PPP6R2: variants seen among roughly 807,000 people sequenced by gnomAD.
PPP6R2 encodes serine/threonine-protein phosphatase 6 regulatory subunit 2.
Under a neutral mutation model 100.2 loss-of-function variants are expected in PPP6R2, and 62 were observed. That is an observed-to-expected ratio of 0.62 (90% confidence interval 0.50 to 0.76). The LOEUF is 0.76. Among genes scored for constraint, PPP6R2 ranks in the 30% least tolerant of loss-of-function variants. PPP6R2 has a pLI of 0.00. For missense variants in PPP6R2, 1,142 were observed against 1,276.3 expected, an observed-to-expected ratio of 0.89 and a Z score of 1.60; for synonymous variants, 525 against 514.7, an observed-to-expected ratio of 1.02 and a Z score of -0.27.
rs186415971 is a variant in PPP6R2, at chr22:50,357,574, A to G, written c.-148+14024A>G. Among the ~76,000 whole-genome samples the G allele has an allele frequency of 5.9e-5, 9 of 151,514 alleles. No homozygotes were observed. The East Asian group carries it at 1.4e-3, about 23-fold the overall frequency. On this transcript the variant is annotated intron_variant, in intron 1 of 23. Transcript: ENST00000612753. ...AGTAAATGTGATCATAGCTCACTGC[A>G]GCTTCAAACTCCTAGGATCAAGCAG...
intron 1 of PPP6R2, among the ~76,000 whole-genome samples, chr22:50,348,446 CAGGG>C (rs2044249515): frequency 6.6e-6 from 1 of 152,124 alleles, no homozygotes; most frequent in Admixed American, 6.6e-5. Flanking sequence ...TGAATGGACT[CAGGG>C]TAATTTCTGG....
intron 1 of PPP6R2, among the ~76,000 whole-genome samples, chr22:50,349,236 C>A (rs1569248290): frequency 6.8e-6 from 1 of 147,406 alleles, no homozygotes; most frequent in Non-Finnish European, 1.5e-5. Context: ...TGGTGGTGTG[C>A]GCCTATAGTC....
rs781341069 is a variant in PPP6R2, at chr22:50,406,869, C to T, written c.408C>T (p.Thr136=). 31 of 1,613,386 alleles carry T rather than the reference C, an allele frequency of 1.9e-5. No individual in the cohort carries two copies. Among genetic ancestry groups the T allele is most frequent in the Non-Finnish European group, 2.5e-5 (29 of 1,179,480 alleles). The change falls in exon 4 of 24, where the codon ACC becomes ACT. Residue 136 remains threonine, a synonymous_variant. Coordinates refer to ENST00000612753, the MANE Select transcript of PPP6R2 (RefSeq NM_001242898.2). ...KTIGNLIARK[T]EQVITFLKKK... is the part of the protein sequence containing the mutation. ...TTGGCAATCTCATTGCAAGAAAAACCGAACAGGTAAATCACGTGCAAAGCC... is the reference window on the plus strand; with the variant it reads ...TTGGCAATCTCATTGCAAGAAAAACTGAACAGGTAAATCACGTGCAAAGCC...
chr22:50,436,425 G>T lies in PPP6R2; in HGVS notation c.1575G>T (p.Glu525Asp), dbSNP rs1374406620. 1.3e-6 allele frequency: 2 copies of T among 1,593,200 alleles called. No individual in the cohort carries two copies. The highest frequency in any genetic ancestry group is 8.5e-7 in the Non-Finnish European group (1 of 1,171,364). ...WESFVEETLTETNRRNTVDLV... is the reference protein window; with the variant it reads ...WESFVEETLTDTNRRNTVDLV... Reference sequence around the variant, plus strand: ...GCTTCGTGGAGGAGACGCTGACGGAGACGAACCGCAGGAACACTGTGGACC... The same window carrying T: ...GCTTCGTGGAGGAGACGCTGACGGATACGAACCGCAGGAACACTGTGGACC... The change falls in exon 14 of 24, where the codon GAG becomes GAT. Residue 525 changes from glutamate (E) to aspartate (D), a missense_variant. By Grantham distance (45) the Glu-to-Asp change is conservative. This residue lies in a region of PPP6R2 where 592 missense variants were observed against 758.9 expected (regional missense o/e 0.78). Coordinates refer to ENST00000612753, the MANE Select transcript of PPP6R2 (RefSeq NM_001242898.2).
intron 1 of PPP6R2, among the ~76,000 whole-genome samples, chr22:50,349,933 C>T (rs913224537): frequency 1.5e-4 from 23 of 151,154 alleles, no homozygotes; most frequent in Non-Finnish European, 2.2e-4. Context: ...GCCTGAACAA[C>T]ATGGTGAAAC....
chr22:50,381,798 C>G (rs527556619), intron 2 of PPP6R2, among the ~76,000 whole-genome samples: 162 of 151,800 alleles, frequency 1.1e-3, no homozygotes, highest in Non-Finnish European at 2.0e-3. Flanking sequence ...GTCCCAGCTA[C>G]TCAGGAGGCT....
intron 1 of PPP6R2, among the ~76,000 whole-genome samples, chr22:50,360,552 T>G (rs2047587687): frequency 6.6e-6 from 1 of 152,014 alleles, no homozygotes; most frequent in Non-Finnish European, 1.5e-5. Flanking sequence ...TTTTTAGAGA[T>G]GGGGTCTCTC....
chr22:50,393,773 A>G, intron 2 of PPP6R2, 120 bp from the exon 3 acceptor site: 1 of 1,517,106 alleles, frequency 6.6e-7, no homozygotes, highest in African/African-American at 1.4e-5. Context: ...ACTTGGGTCT[A>G]GTGTTGCTGA....
intron 1 of PPP6R2, among the ~76,000 whole-genome samples, chr22:50,349,407 G>A (rs1008082472): frequency 2.0e-5 from 3 of 148,628 alleles, no homozygotes; most frequent in Non-Finnish European, 3.0e-5. Flanking sequence ...GGTGACTCGT[G>A]CCTATAATCC....
chr22:50,384,561 A>G (rs2053818850), intron 2 of PPP6R2, among the ~76,000 whole-genome samples: 1 of 152,154 alleles, frequency 6.6e-6, no homozygotes, highest in Non-Finnish European at 1.5e-5. Flanking sequence ...TCTCAAAAAA[A>G]GAAAAGAAAA....
At chr22:50,360,416 A>G (rs950295481) in intron 1 of PPP6R2, among the ~76,000 whole-genome samples, 3 of 147,792 alleles carry the variant, frequency 2.0e-5, no homozygotes, top group African/African-American at 7.6e-5. Flanking sequence ...TGCAAGTGGT[A>G]TGAACACATG....
chr22:50,441,618 G>C (rs1412631606), intron 22 of PPP6R2, among the ~76,000 whole-genome samples: 2 of 152,178 alleles, frequency 1.3e-5, no homozygotes, highest in African/African-American at 4.8e-5. Context: ...TCCTGACTGA[G>C]AGTTGGAGGC....
intron 4 of PPP6R2, among the ~76,000 whole-genome samples, chr22:50,410,456 T>C (rs956244194): frequency 6.6e-6 from 1 of 151,476 alleles, no homozygotes; most frequent in Non-Finnish European, 1.5e-5. Context: ...CTTTGTATTA[T>C]TTTGAGTGGT....
At chr22:50,434,814 C>G (rs2063852667) in intron 12 of PPP6R2, 152 bp from the exon 13 acceptor site, 1 of 634,838 alleles carries the variant, frequency 1.6e-6, no homozygotes, top group Non-Finnish European at 2.6e-6. Flanking sequence ...GGAGGTGAAC[C>G]TGGAGGAGGG....
rs777828400 is a variant in PPP6R2, at chr22:50,437,501, C to T, written c.1684-5C>T. The stretch of plus-strand genomic sequence containing the variant: ...TCCGTCCCTCCCTCCCTCCCTCCCT[C>T]CCAGGCCTTCTCTGACTACCAGATC... On this transcript the variant is annotated splice_region_variant and splice_polypyrimidine_tract_variant and intron_variant, in intron 15 of 23. Transcript: ENST00000612753. The T allele has an allele frequency of 6.7e-7, 1 of 1,496,116 alleles. No individual in the cohort carries two copies. The highest frequency in any genetic ancestry group is 9.3e-7 in the Non-Finnish European group (1 of 1,074,182). 92.7% of individuals were successfully genotyped at this position (1,496,116 alleles called of 1,614,324 possible).
At chr22:50,356,924 ACT>A (rs1052973340) in intron 1 of PPP6R2, among the ~76,000 whole-genome samples, 6 of 145,886 alleles carry the variant, frequency 4.1e-5, no homozygotes, top group Non-Finnish European at 7.4e-5. Context: ...ACAGAGGGAG[ACT>A]CTGTCTCAAA....
chr22:50,382,723 A>C (rs2053378357), intron 2 of PPP6R2, among the ~76,000 whole-genome samples: 1 of 152,188 alleles, frequency 6.6e-6, no homozygotes, highest in Admixed American at 6.5e-5. Context: ...TGGATTGGAA[A>C]ACTTACTGTT....
chr22:50,394,178 TGCAG>T, intron 3 of PPP6R2, 43 bp downstream of exon 3: 1 of 1,602,414 alleles, frequency 6.2e-7, no homozygotes, highest in Non-Finnish European at 8.5e-7. Context: ...CAGGCAGTGC[TGCAG>T]GCAGGCCGCA....
chr22:50,338,846 T>C (rs1399655152), upstream of PPP6R2, among the ~76,000 whole-genome samples: 3 of 143,024 alleles, frequency 2.1e-5, no homozygotes, highest in African/African-American at 8.0e-5. Flanking sequence ...GTGTGTGTGG[T>C]GTGTGGTGTG....
Sources: gnomAD v4.1 joint callset for allele counts (sites outside exome capture counted in the v4.1 genomes callset) on GRCh38, gnomAD v4.1.1 for gene constraint, gnomAD v4.1.1 regional missense constraint, MANE v1.5 for transcripts, NCBI Gene and HGNC (gene_info 2026-07-23, HGNC 2026-07-21) for gene names.